The following EIF2AK4 variants were observed in gnomAD, a reference collection of about 807,000 sequenced individuals.
EIF2AK4 encodes the protein eIF-2-alpha kinase GCN2.
Under a neutral mutation model 211.1 loss-of-function variants are expected in EIF2AK4, and 139 were observed. That is an observed-to-expected ratio of 0.66 (90% CI 0.57 to 0.76). The LOEUF (loss-of-function observed/expected upper bound fraction) is 0.76, where lower values mean the gene tolerates loss of function less well. EIF2AK4 is among the 30% of genes least tolerant of loss of function. The pLI, the probability that EIF2AK4 is intolerant of heterozygous loss-of-function variation, is 0.00. For synonymous variants in EIF2AK4, 710 were observed against 751.3 expected, an observed-to-expected ratio of 0.94 and a Z score of 0.90; for missense variants, 1,664 against 2,043.8, an observed-to-expected ratio of 0.81 and a Z score of 3.58.
rs1567012044 is a variant in EIF2AK4, at chr15:40,032,225, T to C, written c.4716T>C (p.Ile1572=). The change falls in exon 36 of 39, where the codon ATT becomes ATC. Residue 1572 remains isoleucine (I), a synonymous_variant. Transcript: ENST00000263791. ...LANLHQKSSE[I]EILAVDLPKE... ...ACTTACATCAGAAAAGCAGTGAAATTGAAATTCTGGCTGTAAGTGGCTTTC... is the reference window on the plus strand; with the variant it reads ...ACTTACATCAGAAAAGCAGTGAAATCGAAATTCTGGCTGTAAGTGGCTTTC... The C allele has an allele frequency of 6.2e-7, 1 of 1,614,218 alleles. No individual in the cohort carries two copies.
Position 39,972,943 on chromosome 15 carries a change from C to T in EIF2AK4, c.1589C>T (p.Pro530Leu). ...VCLDDKERWS[P>L]QQLLKHSFIN... ...TTGGATGACAAGGAAAGATGGAGTCCCCAGCAGTTGTTGAAACACAGCTTT... is the reference window on the plus strand; with the variant it reads ...TTGGATGACAAGGAAAGATGGAGTCTCCAGCAGTTGTTGAAACACAGCTTT... Residue 530 changes from proline (P) to leucine (L), a missense_variant, in exon 10 of 39, where the codon CCC (proline) becomes CTC (leucine). Transcript: ENST00000263791. The T allele has an allele frequency of 6.2e-7, 1 of 1,613,966 alleles. No homozygotes were observed.
intron 9 of EIF2AK4, among the ~76,000 whole-genome samples, chr15:39,968,664 T>C (rs557468976): frequency 6.6e-6 from 1 of 152,286 alleles, no homozygotes; most frequent in South Asian, 2.1e-4. Context: ...CTTTGTTTTT[T>C]ACCTTCTTTT....
intron 27 of EIF2AK4, among the ~76,000 whole-genome samples, chr15:40,014,686 A>G (rs1239631659): frequency 6.6e-6 from 1 of 152,106 alleles, no homozygotes; most frequent in Non-Finnish European, 1.5e-5. Flanking sequence ...CATTTTCCCC[A>G]TTGTTTTGGT....
In EIF2AK4 at chr15:39,993,030, G is replaced by GTCCA. The variant is rs1199022740; in HGVS notation, c.2766+224_2766+227dup. ...GCACTGCTGCTGCCAGGAGCTTACA[G>GTCCA]TCCATCCATCCATCCATCCATCCAT... is the stretch of plus-strand genomic sequence containing the variant. On this transcript the variant is annotated intron_variant, in intron 18 of 38. Transcript: ENST00000263791. 0.053 allele frequency among the ~76,000 whole-genome samples: 7,737 copies of GTCCA among 146,568 alleles called. 261 individuals carry two copies. The highest frequency in any genetic ancestry group is 0.09 in the African/African-American group (3,502 of 39,120).
intron 34 of EIF2AK4, 125 bp from the exon 35 acceptor site, chr15:40,030,234 A>T: frequency 1.1e-6 from 1 of 922,800 alleles, no homozygotes; most frequent in Non-Finnish European, 1.7e-6. Flanking sequence ...AACACAGCCC[A>T]GTCGTGATCT....
rs758767894 is a variant in EIF2AK4 at position 39,988,084 on chromosome 15, A to C, written c.2505A>C (p.Gly835=). The change falls in exon 15 of 39, where the codon GGA becomes GGC. Residue 835 remains glycine (G), a synonymous_variant. Transcript: ENST00000263791. ...LWRLFREILD[G]LAYIHEKGMI... Reference sequence around the variant, plus strand: ...GGCTTTTTCGAGAGATTCTGGATGGATTAGCTTATATCCATGAGAAAGTAA... The same window carrying C: ...GGCTTTTTCGAGAGATTCTGGATGGCTTAGCTTATATCCATGAGAAAGTAA... 52 of 1,614,156 alleles carry C rather than the reference A, an allele frequency of 3.2e-5. No homozygotes were observed. Among genetic ancestry groups the C allele is most frequent in the Non-Finnish European group, 4.3e-5 (51 of 1,180,000 alleles).
At chr15:39,962,529 G>T (rs956671377) in intron 7 of EIF2AK4, among the ~76,000 whole-genome samples, 2 of 152,112 alleles carry the variant, frequency 1.3e-5, no homozygotes, top group African/African-American at 2.4e-5. Flanking sequence ...CACAATCATA[G>T]CTCACTGTAA....
intron 8 of EIF2AK4, 149 bp from the exon 9 acceptor site, chr15:39,967,195 G>T: frequency 1.9e-5 from 16 of 861,808 alleles, no homozygotes; most frequent in Non-Finnish European, 2.7e-5. Context: ...TCATTTGAAA[G>T]TATATTTTCT....
chr15:39,992,117 C>T (rs1343869300), intron 16 of EIF2AK4, 58 bp from the exon 17 acceptor site: 17 of 1,426,020 alleles, frequency 1.2e-5, no homozygotes, highest in Non-Finnish European at 1.7e-5. Flanking sequence ...ACAGACAAGC[C>T]ATTCTCATGG....
intron 21 of EIF2AK4, chr15:40,002,488 G>C (rs538739786): frequency 2.1e-6 from 1 of 465,140 alleles, no homozygotes; most frequent in Admixed American, 3.8e-5. Context: ...TTGAACCCAG[G>C]CATCCTTCCC....
At chr15:40,032,065 G>A in intron 35 of EIF2AK4, 104 bp from the exon 36 acceptor site, 2 of 991,964 alleles carry the variant, frequency 2.0e-6, no homozygotes, top group Non-Finnish European at 3.2e-6. Flanking sequence ...TCCTTTCTAG[G>A]CTTTGGTATG....
At chr15:39,976,341 G>A in intron 11 of EIF2AK4, 73 bp from the exon 12 acceptor site, 1 of 1,471,634 alleles carries the variant, frequency 6.8e-7, no homozygotes, top group South Asian at 1.4e-5. Context: ...TCCTTGGGAG[G>A]GGATGGGGTG....
intron 4 of EIF2AK4, among the ~76,000 whole-genome samples, chr15:39,950,208 A>G (rs1261259870): frequency 6.6e-6 from 1 of 152,222 alleles, no homozygotes; most frequent in Non-Finnish European, 1.5e-5. Flanking sequence ...AAATAGTTTA[A>G]TGTATTTTAA....
At chr15:39,955,469 T>C in intron 5 of EIF2AK4, 151 bp from the exon 6 acceptor site, 1 of 754,292 alleles carries the variant, frequency 1.3e-6, no homozygotes, top group Non-Finnish European at 2.0e-6. Flanking sequence ...CTTCTAGCTA[T>C]TTTAAACGAT....
At chr15:39,955,299 A>T (rs1479595441) in intron 5 of EIF2AK4, among the ~76,000 whole-genome samples, 1 of 152,118 alleles carries the variant, frequency 6.6e-6, no homozygotes, top group East Asian at 1.9e-4. Context: ...ACATTTTTTT[A>T]ATTTTATTTT....
chr15:39,947,593 TG>T (rs2034247044), intron 3 of EIF2AK4, among the ~76,000 whole-genome samples: 1 of 152,190 alleles, frequency 6.6e-6, no homozygotes, highest in Non-Finnish European at 1.5e-5. Context: ...AACCACACCA[TG>T]GGCTACACTG....
chr15:39,935,531 C>G (rs1383743752), intron 1 of EIF2AK4, among the ~76,000 whole-genome samples: 1 of 152,072 alleles, frequency 6.6e-6, no homozygotes, highest in Non-Finnish European at 1.5e-5. Flanking sequence ...GAGTCTTGCT[C>G]TGTTGCCCGG....
intron 9 of EIF2AK4, among the ~76,000 whole-genome samples, chr15:39,968,270 G>C (rs1279837186): frequency 6.6e-6 from 1 of 152,196 alleles, no homozygotes; most frequent in African/African-American, 2.4e-5. Context: ...GTGAGATTCT[G>C]CCCCTTGTGC....
Position 39,976,545 on chromosome 15 carries a change from C to T in EIF2AK4, c.1950C>T (p.Arg650=), listed in dbSNP as rs1595403952. The T allele has an allele frequency of 6.2e-7, 1 of 1,613,148 alleles. No homozygotes were observed. Among genetic ancestry groups the T allele is most frequent in the Non-Finnish European group, 8.5e-7 (1 of 1,179,916 alleles). The part of the protein sequence containing the change: ...LSRLHHENIV[R]YYNAWIERHE... ...GGCTGCACCATGAGAACATTGTGCG[C>T]TACTACAACGCCTGGATCGAGCGGC... The change falls in exon 12 of 39, where the codon CGC becomes CGT. Residue 650 remains arginine (R), a synonymous_variant. Transcript: ENST00000263791.
Sources: gnomAD v4.1 joint callset for allele counts (sites outside exome capture counted in the v4.1 genomes callset) on GRCh38, gnomAD v4.1.1 for gene constraint, MANE v1.5 for transcripts, NCBI Gene and HGNC (gene_info 2026-07-23, HGNC 2026-07-21) for gene names.